The following NBAS variants were observed in gnomAD, a reference collection of about 807,000 sequenced individuals.
The protein encoded by NBAS is NBAS subunit of NRZ tethering complex, also known as NAG/BC035112 fusion.
In NBAS, 219 loss-of-function variants were observed where a neutral mutation model predicts 302.5. That is an observed-to-expected ratio of 0.72 (90% confidence interval 0.65 to 0.81). The LOEUF (loss-of-function observed/expected upper bound fraction) is 0.81. NBAS is among the 30% of genes least tolerant of loss of function. The pLI is 0.00. For missense variants in NBAS, 2,932 were observed against 2,841.6 expected (o/e 1.03, Z -0.72); for synonymous variants, 1,118 against 1,021.6 (o/e 1.09, Z -1.80).
At chr2:15,374,469 A>G in intron 31 of NBAS, 139 bp downstream of exon 31, 1 of 704,968 alleles carries the variant, frequency 1.4e-6, no homozygotes, top group East Asian at 2.6e-5. Context: ...TTCATTTAAA[A>G]TAATGGGTCA....
chr2:15,466,082 T>C (rs1218445756), intron 19 of NBAS, among the ~76,000 whole-genome samples: 1 of 152,212 alleles, frequency 6.6e-6, no homozygotes, highest in Non-Finnish European at 1.5e-5. Flanking sequence ...TAATGATAAA[T>C]GGTAATGATA....
At chr2:14,841,456 C>A in the NBAS span, among the ~76,000 whole-genome samples, 1 of 144,626 alleles carries the variant, frequency 6.9e-6, no homozygotes, top group African/African-American at 2.5e-5. Flanking sequence ...TACATATAGA[C>A]TGAAAGTGAA....
the NBAS span, among the ~76,000 whole-genome samples, chr2:15,158,426 T>C: frequency 6.6e-6 from 1 of 152,174 alleles, no homozygotes; most frequent in East Asian, 1.9e-4. Flanking sequence ...ACACAGCCAG[T>C]AAATGACAAT....
chr2:14,829,746 T>C, the NBAS span, among the ~76,000 whole-genome samples: 1 of 152,300 alleles, frequency 6.6e-6, no homozygotes, highest in African/African-American at 2.4e-5. Flanking sequence ...CCTCAGGGGC[T>C]CCATTTGCCA....
the NBAS span, among the ~76,000 whole-genome samples, chr2:15,149,441 C>T: frequency 6.6e-6 from 1 of 152,168 alleles, no homozygotes; most frequent in Admixed American, 6.6e-5. Context: ...TTTATAGTAA[C>T]CTCTGATCCT....
the NBAS span, among the ~76,000 whole-genome samples, chr2:15,031,514 C>A: frequency 1.3e-5 from 2 of 152,138 alleles, no homozygotes; most frequent in Non-Finnish European, 2.9e-5. Flanking sequence ...GCAAACTACC[C>A]ACCTCTGGTC....
the NBAS span, among the ~76,000 whole-genome samples, chr2:14,987,684 T>C: frequency 6.6e-6 from 1 of 152,016 alleles, no homozygotes; most frequent in Non-Finnish European, 1.5e-5. Flanking sequence ...ATATTTAAAG[T>C]AAGATGGGCT....
rs541903371 is a variant in NBAS at position 15,275,631 on chromosome 2, G to T, written c.5577C>A (p.Asp1859Glu). The part of the protein sequence containing the change: ...IWLQKLFWTG[D>E]PHLIKQVPGS... The stretch of plus-strand genomic sequence containing the variant: ...CTGGGACTTGTTTAATGAGATGAGG[G>T]TCTCCAGTCCAGAACAACTTCTGTA... Residue 1859 changes from aspartate (D) to glutamate (E), a missense_variant, in exon 44 of 52, where the codon GAC (aspartate) becomes GAA (glutamate). Physicochemically the swap from Asp to Glu is conservative, Grantham distance 45. Coordinates refer to ENST00000281513, the MANE Select transcript of NBAS (RefSeq NM_015909.4). 16 of 1,614,044 alleles carry T rather than the reference G, an allele frequency of 9.9e-6. No homozygotes were observed. The East Asian group carries it at 1.6e-4, about 16-fold the overall frequency.
At chr2:15,167,860 T>G (rs1664106384) in intron 51 of NBAS, among the ~76,000 whole-genome samples, 1 of 152,204 alleles carries the variant, frequency 6.6e-6, no homozygotes, top group Non-Finnish European at 1.5e-5. Context: ...AAAATTTTTT[T>G]GGAACAAGAA....
chr2:14,809,351 T>G, the NBAS span, among the ~76,000 whole-genome samples: 1 of 152,144 alleles, frequency 6.6e-6, no homozygotes. Flanking sequence ...GGGCCCAAGA[T>G]CCCAAGCTGT....
intron 21 of NBAS, among the ~76,000 whole-genome samples, chr2:15,451,183 T>C (rs1029897218): frequency 2.0e-5 from 3 of 152,298 alleles, no homozygotes; most frequent in African/African-American, 4.8e-5. Context: ...CCCGAGTAGC[T>C]GGGGCTACAG....
chr2:15,096,156 C>T, the NBAS span, among the ~76,000 whole-genome samples: 3 of 152,246 alleles, frequency 2.0e-5, no homozygotes, highest in African/African-American at 7.2e-5. Flanking sequence ...AACAACAGCT[C>T]AGCTCAGACA....
chr2:15,407,215 T>A (rs1022679601), intron 25 of NBAS, among the ~76,000 whole-genome samples: 2 of 152,230 alleles, frequency 1.3e-5, no homozygotes, highest in Non-Finnish European at 2.9e-5. Flanking sequence ...GGCTAGTGAC[T>A]ACCATTTTGA....
chr2:15,174,209 G>A (rs73194924), intron 51 of NBAS, among the ~76,000 whole-genome samples: 3,031 of 152,288 alleles, frequency 0.02, 95 homozygotes, highest in African/African-American at 0.069. Flanking sequence ...AGGTTTCTTG[G>A]TTTTGTATAA....
the NBAS span, among the ~76,000 whole-genome samples, chr2:15,113,774 A>T: frequency 0.96 from 144,396 of 149,862 alleles, 69,584 homozygotes; most frequent in East Asian, 1. Context: ...CTTTTTTTTT[A>T]AAACAAACTG....
At position 15,190,275 on chromosome 2, in the gene NBAS, T is replaced by C; in HGVS notation, c.6561A>G (p.Lys2187=). Reference sequence around the variant, plus strand: ...ATGTTAATACTTACACATATTCACTTTTCATAGGTGGCCAAGCTTGCAAAA... The same window carrying C: ...ATGTTAATACTTACACATATTCACTCTTCATAGGTGGCCAAGCTTGCAAAA... ...VLLLQAWPPM[K]SEYVITNNPW... is the part of the protein sequence containing the mutation. The change falls in exon 49 of 52, where the codon AAA becomes AAG. Residue 2187 remains lysine, a synonymous_variant. Transcript: ENST00000281513. 6.2e-7 allele frequency: 1 copy of C among 1,613,950 alleles called. No individual in the cohort carries two copies. Among genetic ancestry groups the C allele is most frequent in the East Asian group, 2.2e-5 (1 of 44,858 alleles).
intron 44 of NBAS, among the ~76,000 whole-genome samples, chr2:15,252,001 G>A (rs1360235320): frequency 1.3e-5 from 2 of 152,186 alleles, no homozygotes; most frequent in African/African-American, 4.8e-5. Context: ...ACAACATGAG[G>A]AAGCGCCCTG....
intron 11 of NBAS, among the ~76,000 whole-genome samples, chr2:15,496,718 T>C (rs1159816019): frequency 6.6e-6 from 1 of 152,128 alleles, no homozygotes; most frequent in African/African-American, 2.4e-5. Flanking sequence ...TGATTTAATT[T>C]CTTGCTGCAA....
intron 48 of NBAS, among the ~76,000 whole-genome samples, chr2:15,214,987 GT>G (rs1415426520): frequency 6.6e-6 from 1 of 152,088 alleles, no homozygotes; most frequent in Non-Finnish European, 1.5e-5. Flanking sequence ...TGGGAAAAAA[GT>G]TTGAGGTGAC....
Sources: allele counts gnomAD v4.1 joint callset (sites outside exome capture counted in the v4.1 genomes callset), GRCh38; gene constraint gnomAD v4.1.1; transcripts MANE v1.5; gene names NCBI Gene and HGNC (gene_info 2026-07-23, HGNC 2026-07-21).